The following NCOA1 variants were observed in gnomAD, a reference collection of about 807,000 sequenced individuals.
NCOA1 encodes nuclear receptor coactivator 1, also known as Hin-2 protein.
Under a neutral mutation model 150.9 loss-of-function variants are expected in NCOA1, and 35 were observed. The observed-to-expected ratio is 0.23, with a 90% CI of 0.18 to 0.31. The LOEUF (loss-of-function observed/expected upper bound fraction) is 0.31. NCOA1 is among the 10% of genes least tolerant of loss of function. The pLI, the probability that NCOA1 is intolerant of heterozygous loss-of-function variation, is 1.00. For missense variants in NCOA1, 1,491 were observed against 1,749.3 expected, an observed-to-expected ratio of 0.85 and a Z score of 2.63; for synonymous variants, 590 against 630.0, an observed-to-expected ratio of 0.94 and a Z score of 0.95.
chr2:24,739,380 C>T (rs369036858), intron 17 of NCOA1, 52 bp from the exon 18 acceptor site: 13 of 1,268,424 alleles, frequency 1.0e-5, no homozygotes, highest in East Asian at 7.0e-5. Flanking sequence ...TTATAAGGCC[C>T]GTGTTATGCT....
intron 14 of NCOA1, among the ~76,000 whole-genome samples, chr2:24,715,313 CAG>C (rs1673968824): frequency 6.6e-6 from 1 of 151,994 alleles, no homozygotes; most frequent in African/African-American, 2.4e-5. Context: ...AAAATAATAA[CAG>C]TGAATTATAT....
intron 3 of NCOA1, among the ~76,000 whole-genome samples, chr2:24,617,553 C>G (rs557689237): frequency 6.4e-4 from 98 of 152,262 alleles, no homozygotes; most frequent in Non-Finnish European, 1.3e-3. Flanking sequence ...CCTTTATATT[C>G]CACTTCTTTG....
At chr2:24,569,552 A>ATTTTTTTTTTTTTTTTTTTTTT (rs200639064) in intron 2 of NCOA1, among the ~76,000 whole-genome samples, 3 of 93,798 alleles carry the variant, frequency 3.2e-5, no homozygotes, top group African/African-American at 1.2e-4. Context: ...GGTTTTATTA[A>ATTTTTTTTTTTTTTTTTTTTTT]TTTTTTTTTT....
Position 24,576,182 on chromosome 2 carries a change from T to G in NCOA1, c.-259-8294T>G, listed in dbSNP as rs1214592246. On this transcript the variant is annotated intron_variant, in intron 2 of 22. Transcript: ENST00000348332. ...TTTTTTGTTTTTTGTTTTTTTTTTT[T>G]TTTTTTTTTGTTTGCTAGTCCTTTC... Among the ~76,000 whole-genome samples, 17 of 121,550 alleles carry G rather than the reference T, an allele frequency of 1.4e-4. 1 individual carries two copies. The highest frequency in any genetic ancestry group is 4.4e-4 in the African/African-American group (14 of 32,104). 79.7% of individuals were successfully genotyped at this position (121,550 alleles called of 152,430 possible).
rs56184948 is a variant in NCOA1 at position 24,728,652 on chromosome 2, T to G, written c.2886+176T>G. ...TTTTAAGAAAAAGTATTACAGTAAT[T>G]AGAATTAGAAATAAGTCTTAGCTTT... On this transcript the variant is annotated intron_variant, in intron 16 of 22. Coordinates refer to ENST00000348332, the MANE Select transcript of NCOA1 (RefSeq NM_003743.5). 1.0e-3 allele frequency among the ~76,000 whole-genome samples: 156 copies of G among 152,306 alleles called. 1 individual carries two copies. Among genetic ancestry groups the G allele is most frequent in the African/African-American group, 3.6e-3 (148 of 41,552 alleles).
chr2:24,684,131 A>G (rs184844717), intron 8 of NCOA1, among the ~76,000 whole-genome samples: 2 of 152,308 alleles, frequency 1.3e-5, no homozygotes, highest in East Asian at 3.9e-4. Flanking sequence ...TGATGTCACT[A>G]TAGGTAATAC....
intron 3 of NCOA1, among the ~76,000 whole-genome samples, chr2:24,607,099 T>C (rs868735792): frequency 6.6e-6 from 1 of 152,066 alleles, no homozygotes; most frequent in Non-Finnish European, 1.5e-5. Flanking sequence ...TGAAATTATT[T>C]GGTGTCAGAC....
chr2:24,720,963 T>C (rs573075724), intron 14 of NCOA1, among the ~76,000 whole-genome samples: 1 of 152,338 alleles, frequency 6.6e-6, no homozygotes, highest in South Asian at 2.1e-4. Flanking sequence ...CATAGGATAG[T>C]TTAATTATCA....
chr2:24,763,366 T>C (rs199740908), intron 22 of NCOA1, among the ~76,000 whole-genome samples: 9 of 151,654 alleles, frequency 5.9e-5, no homozygotes, highest in Non-Finnish European at 1.2e-4. Context: ...GGTGAAACCC[T>C]GTCTCTACTA....
At chr2:24,570,051 CTTT>C (rs71397440) in intron 2 of NCOA1, among the ~76,000 whole-genome samples, 9 of 122,128 alleles carry the variant, frequency 7.4e-5, no homozygotes, top group Non-Finnish European at 8.5e-5. Flanking sequence ...GTGGTATATA[CTTT>C]TTTTTTTTTT....
intron 1 of NCOA1, among the ~76,000 whole-genome samples, chr2:24,561,097 A>T (rs1666275872): frequency 6.6e-6 from 1 of 152,232 alleles, no homozygotes; most frequent in South Asian, 2.1e-4. Context: ...ACTGCTGAAT[A>T]AAAAGTAAGA....
At chr2:24,549,303 G>C (rs1481368229) in intron 1 of NCOA1, among the ~76,000 whole-genome samples, 2 of 152,120 alleles carry the variant, frequency 1.3e-5, no homozygotes, top group Non-Finnish European at 2.9e-5. Context: ...AGGGCACTAA[G>C]TCCCTAGACT....
At chr2:24,535,404 G>A (rs1181674381) in intron 1 of NCOA1, among the ~76,000 whole-genome samples, 3 of 151,956 alleles carry the variant, frequency 2.0e-5, no homozygotes, top group African/African-American at 4.8e-5. Flanking sequence ...TCTTTATCCA[G>A]TTTGCCAGTC....
chr2:24,750,677 G>A (rs934553341), intron 19 of NCOA1, among the ~76,000 whole-genome samples: 4 of 152,170 alleles, frequency 2.6e-5, no homozygotes, highest in African/African-American at 9.7e-5. Context: ...ACTAGGGATG[G>A]GAGCAAGGAT....
chr2:24,643,804 A>C (rs1670342089), intron 3 of NCOA1, among the ~76,000 whole-genome samples, 162 bp from the exon 4 acceptor site: 1 of 152,184 alleles, frequency 6.6e-6, no homozygotes, highest in South Asian at 2.1e-4. Context: ...TAAGCTGTAA[A>C]ATGAGATCTT....
chr2:24,768,116 C>T, intron 22 of NCOA1, 105 bp from the exon 23 acceptor site: 1 of 1,614,034 alleles, frequency 6.2e-7, no homozygotes. Context: ...GTGGTGACTA[C>T]AGACTAGAGG....
intron 1 of NCOA1, among the ~76,000 whole-genome samples, chr2:24,538,503 A>C (rs1197041023): frequency 2.6e-5 from 4 of 152,238 alleles, no homozygotes; most frequent in Admixed American, 6.5e-5. Flanking sequence ...TGAGCAGGTC[A>C]ATTACTTGTT....
intron 1 of NCOA1, among the ~76,000 whole-genome samples, chr2:24,495,833 T>G (rs1290342355): frequency 6.6e-6 from 1 of 152,220 alleles, no homozygotes; most frequent in African/African-American, 2.4e-5. Flanking sequence ...TATTTAAAAT[T>G]GGAGTAACGT....
At chr2:24,598,826 A>G (rs1370566297) in intron 3 of NCOA1, among the ~76,000 whole-genome samples, 2 of 152,132 alleles carry the variant, frequency 1.3e-5, no homozygotes, top group Non-Finnish European at 2.9e-5. Flanking sequence ...ACATGGGTAT[A>G]TTGCATAACT....
Sources: gnomAD v4.1 joint callset for allele counts (sites outside exome capture counted in the v4.1 genomes callset) on GRCh38, gnomAD v4.1.1 for gene constraint, MANE v1.5 for transcripts, NCBI Gene and HGNC (gene_info 2026-07-23, HGNC 2026-07-21) for gene names.